Variants in PTPRG observed in about 807,000 individuals in gnomAD.
The protein encoded by PTPRG is protein tyrosine phosphatase receptor type G.
Under a neutral mutation model 165.3 loss-of-function variants are expected in PTPRG, and 102 were observed. That is an observed-to-expected ratio of 0.62 (90% CI 0.53 to 0.73). PTPRG has a LOEUF of 0.73. PTPRG is among the 30% of genes least tolerant of loss of function. The pLI is 0.00. For missense variants in PTPRG, 1,866 were observed against 1,861.4 expected, an observed-to-expected ratio of 1.00 and a Z score of -0.05; for synonymous variants, 675 against 669.5, an observed-to-expected ratio of 1.01 and a Z score of -0.13.
Position 62,201,517 on chromosome 3 carries a change from G to T in PTPRG, c.1340G>T (p.Arg447Leu). The T allele has an allele frequency of 6.2e-7, 1 of 1,610,460 alleles. No homozygotes were observed. The highest frequency in any genetic ancestry group is 1.1e-5 in the South Asian group (1 of 90,228). ...QTMLFQANTTRIFQGTRIVKT... is the reference protein window; with the variant it reads ...QTMLFQANTTLIFQGTRIVKT... ...CTTTGTTTCTCAGCTAATACCACTCGAATATTCCAAGGGACCAGAATAGTG... is the reference window on the plus strand; with the variant it reads ...CTTTGTTTCTCAGCTAATACCACTCTAATATTCCAAGGGACCAGAATAGTG... The change falls in exon 11 of 30, where the codon CGA (arginine) becomes CTA (leucine). Residue 447 changes from arginine (R) to leucine (L), a missense_variant. By Grantham distance (102) the Arg-to-Leu change is moderately radical. Transcript: ENST00000474889.
At chr3:61,995,084 CTTTTTTTTT>C (rs761499179) in intron 3 of PTPRG, among the ~76,000 whole-genome samples, 25 of 35,406 alleles carry the variant, frequency 7.1e-4, no homozygotes, top group East Asian at 6.9e-3. Context: ...TTCTTTCTTT[CTTTTTTTTT>C]TTTTTTTTTT....
intron 5 of PTPRG, among the ~76,000 whole-genome samples, chr3:62,094,526 G>T (rs1318369127): frequency 1.3e-5 from 2 of 152,118 alleles, no homozygotes; most frequent in African/African-American, 4.8e-5. Context: ...AATACCTATG[G>T]AATCTCACTT....
chr3:62,078,204 T>C lies in PTPRG; in HGVS notation c.561T>C (p.Phe187=), dbSNP rs1701454646. ...ACAATCCAGATGACTTTGACAGCTT[T>C]CAAACCGCAATTTCTGAGAACAGAA... ...FFYNPDDFDS[F]QTAISENRII... Residue 187 remains phenylalanine, a synonymous_variant, in exon 5 of 30, where the codon TTT becomes TTC. Transcript: ENST00000474889. The C allele has an allele frequency of 6.2e-7, 1 of 1,610,424 alleles. No individual in the cohort carries two copies. Among genetic ancestry groups the C allele is most frequent in the African/African-American group, 1.3e-5 (1 of 74,746 alleles).
At chr3:61,746,552 G>C (rs1243284605) in intron 1 of PTPRG, among the ~76,000 whole-genome samples, 1 of 151,960 alleles carries the variant, frequency 6.6e-6, no homozygotes, top group African/African-American at 2.4e-5. Context: ...CTAATTTTAA[G>C]GTCCTCTGTT....
At chr3:62,115,204 C>T (rs1702816856) in intron 5 of PTPRG, among the ~76,000 whole-genome samples, 1 of 152,136 alleles carries the variant, frequency 6.6e-6, no homozygotes, top group South Asian at 2.1e-4. Flanking sequence ...GTTTTAATCT[C>T]CCTCAGGTTT....
intron 6 of PTPRG, among the ~76,000 whole-genome samples, chr3:62,145,484 G>T (rs961372710): frequency 7.2e-5 from 11 of 152,122 alleles, no homozygotes; most frequent in African/African-American, 2.7e-4. Flanking sequence ...GTAGTAAAAT[G>T]GAATGCATGT....
At chr3:61,892,141 C>G (rs571918569) in intron 2 of PTPRG, among the ~76,000 whole-genome samples, 1 of 152,176 alleles carries the variant, frequency 6.6e-6, no homozygotes, top group African/African-American at 2.4e-5. Flanking sequence ...AAGTATATCT[C>G]AGAGAGAGAG....
chr3:62,094,438 T>G (rs985817810), intron 5 of PTPRG, among the ~76,000 whole-genome samples: 8 of 152,160 alleles, frequency 5.3e-5, no homozygotes, highest in Non-Finnish European at 8.8e-5. Flanking sequence ...TGCAGGTCGC[T>G]CTCTCCTGAA....
chr3:61,807,017 C>A (rs1236092586), intron 2 of PTPRG, among the ~76,000 whole-genome samples: 1 of 152,146 alleles, frequency 6.6e-6, no homozygotes, highest in Non-Finnish European at 1.5e-5. Flanking sequence ...TTTAAAAATT[C>A]TTCATTTTCT....
chr3:61,715,664 G>A (rs2031772545), intron 1 of PTPRG, among the ~76,000 whole-genome samples: 1 of 152,156 alleles, frequency 6.6e-6, no homozygotes, highest in African/African-American at 2.4e-5. Context: ...CTGCCTAACT[G>A]CCTGCAGTGG....
intron 17 of PTPRG, among the ~76,000 whole-genome samples, chr3:62,265,851 C>T (rs917962970): frequency 1.0e-3 from 126 of 123,356 alleles, no homozygotes; most frequent in African/African-American, 3.2e-3. Flanking sequence ...CATACATACA[C>T]ACACACACAC....
At chr3:61,911,138 C>T (rs2038792782) in intron 2 of PTPRG, among the ~76,000 whole-genome samples, 1 of 152,178 alleles carries the variant, frequency 6.6e-6, no homozygotes, top group Admixed American at 6.6e-5. Context: ...ATGACAACCT[C>T]TATTTCCTTC....
chr3:62,069,519 T>C (rs9851346), intron 4 of PTPRG, among the ~76,000 whole-genome samples: 109,962 of 151,944 alleles, frequency 0.72, 40,401 homozygotes, highest in Non-Finnish European at 0.79. Context: ...AGTTGCAAAA[T>C]GGTTTTATAA....
At position 62,053,145 on chromosome 3, in the gene PTPRG, T is replaced by G. The variant is rs118039472; in HGVS notation, c.520-25018T>G. On this transcript the variant is annotated intron_variant, in intron 4 of 29. Coordinates refer to ENST00000474889, the MANE Select transcript of PTPRG (RefSeq NM_002841.4). ...GGATACATCAAACTCTTGACAGATA[T>G]ATGAGTGTCATTTTTTGTGGTTTAA... is the stretch of plus-strand genomic sequence containing the variant. 8.3e-4 allele frequency among the ~76,000 whole-genome samples: 126 copies of G among 152,240 alleles called. No individual in the cohort carries two copies. The East Asian group carries it at 0.018, about 22-fold the overall frequency.
intron 2 of PTPRG, among the ~76,000 whole-genome samples, chr3:61,816,008 C>A (rs2035752605): frequency 6.6e-6 from 1 of 152,008 alleles, no homozygotes; most frequent in Admixed American, 6.6e-5. Context: ...CTCTTGATAG[C>A]AAAACTGATG....
intron 2 of PTPRG, among the ~76,000 whole-genome samples, chr3:61,840,782 G>GTTTTTTTTTTTTTTTTT (rs149041037): frequency 3.3e-5 from 4 of 120,086 alleles, no homozygotes; most frequent in East Asian, 2.7e-4. Context: ...TTGTTTGTTT[G>GTTTTTTTTTTTTTTTTT]TTTTTTTTTT....
chr3:61,613,294 A>G (rs943580562), intron 1 of PTPRG, among the ~76,000 whole-genome samples: 26 of 152,212 alleles, frequency 1.7e-4, no homozygotes, highest in Admixed American at 1.5e-3. Flanking sequence ...GACCAGAGAC[A>G]TTTTGGAAGC....
intron 1 of PTPRG, among the ~76,000 whole-genome samples, chr3:61,691,455 T>G (rs928289283): frequency 6.6e-6 from 1 of 152,138 alleles, no homozygotes; most frequent in Admixed American, 6.5e-5. Context: ...TGGAGTGTGA[T>G]CCTATTTGTG....
intron 1 of PTPRG, among the ~76,000 whole-genome samples, chr3:61,656,042 C>T (rs539186310): frequency 8.7e-5 from 13 of 149,428 alleles, no homozygotes; most frequent in Admixed American, 2.7e-4. Flanking sequence ...TAGCAAGACC[C>T]CCCCCCCCCC....
Sources: gnomAD v4.1 joint callset for allele counts (sites outside exome capture counted in the v4.1 genomes callset) on GRCh38, gnomAD v4.1.1 for gene constraint, MANE v1.5 for transcripts, NCBI Gene and HGNC (gene_info 2026-07-23, HGNC 2026-07-21) for gene names.